PINK1: variants seen among roughly 807,000 people sequenced by gnomAD.
PINK1 encodes the protein PTEN induced kinase 1.
In PINK1, 58 loss-of-function variants were observed where a neutral mutation model predicts 56.0. The ratio of observed to expected loss-of-function variants is 1.04; its 90% CI spans 0.84 to 1.29. PINK1 has a LOEUF of 1.29. Among genes scored for constraint, PINK1 ranks in the 50% most tolerant of loss-of-function variants. The pLI is 0.00. For missense variants in PINK1, 745 were observed against 777.9 expected, an observed-to-expected ratio of 0.96 and a Z score of 0.50; for synonymous variants, 354 against 339.3, an observed-to-expected ratio of 1.04 and a Z score of -0.48.
chr1:20,633,927 G>C lies in PINK1; in HGVS notation c.379G>C (p.Glu127Gln). ...CCGGCGGGCGGTCTCGGCCTGTCAG[G>C]AGATCCAGGTGAGCGGGGCCGGGTC... is the stretch of plus-strand genomic sequence containing the variant. ...ESRRAVSACQEIQAIFTQKSK... is the reference protein window; with the variant it reads ...ESRRAVSACQQIQAIFTQKSK... The change falls in exon 1 of 8, where the codon GAG becomes CAG. Residue 127 changes from glutamate (E) to glutamine (Q), a missense_variant. By Grantham distance (29) the Glu-to-Gln change is conservative. Transcript: ENST00000321556. 2 of 1,585,286 alleles carry C rather than the reference G, an allele frequency of 1.3e-6. No individual in the cohort carries two copies. Among genetic ancestry groups the C allele is most frequent in the Non-Finnish European group, 1.7e-6 (2 of 1,168,850 alleles).
chr1:20,645,865 A>G, intron 5 of PINK1, 142 bp downstream of exon 5: 2 of 1,136,826 alleles, frequency 1.8e-6, no homozygotes, highest in Non-Finnish European at 2.5e-6. Context: ...GAGGTTAGCA[A>G]TCTCTCCCTT....
In PINK1 at chr1:20,644,608, C is replaced by T; in HGVS notation, c.895C>T (p.Leu299=). The T allele has an allele frequency of 4.3e-6, 7 of 1,614,220 alleles. No individual in the cohort carries two copies. Among genetic ancestry groups the T allele is most frequent in the Non-Finnish European group, 5.9e-6 (7 of 1,180,048 alleles). ...GGCCCTGGTCGACTACCCTGATGTG[C>T]TGCCCTCACGCCTCCACCCTGAAGG... ...PGALVDYPDV[L]PSRLHPEGLG... is the part of the protein sequence containing the mutation. The change falls in exon 4 of 8, where the codon CTG becomes TTG. Residue 299 remains leucine, a synonymous_variant. Transcript: ENST00000321556.
intron 5 of PINK1, 145 bp downstream of exon 5, chr1:20,645,868 T>C (rs2053174279): frequency 1.8e-6 from 2 of 1,116,394 alleles, no homozygotes; most frequent in Admixed American, 4.5e-5. Flanking sequence ...GTTAGCAATC[T>C]CTCCCTTAGA....
intron 3 of PINK1, among the ~76,000 whole-genome samples, chr1:20,640,300 T>C (rs1249030832): frequency 6.6e-6 from 1 of 152,000 alleles, no homozygotes; most frequent in African/African-American, 2.4e-5. Context: ...AATGCACGGG[T>C]AGAGCGCCAC....
intron 5 of PINK1, among the ~76,000 whole-genome samples, chr1:20,646,712 CT>C (rs1307437508): frequency 2.0e-5 from 3 of 152,094 alleles, no homozygotes; most frequent in Admixed American, 6.6e-5. Flanking sequence ...CCAGTTGCCT[CT>C]GGAAATGAGT....
chr1:20,645,487 CAA>C (rs11379920), intron 4 of PINK1, 71 bp from the exon 5 acceptor site: 2,222 of 1,114,220 alleles, frequency 2.0e-3, no homozygotes, highest in Middle Eastern at 3.0e-3. Context: ...GACTCCATCT[CAA>C]AAAAAAAAAA....
At chr1:20,633,982 C>CG in intron 1 of PINK1, 47 bp downstream of exon 1, 2 of 435,228 alleles carry the variant, frequency 4.6e-6, no homozygotes, top group Non-Finnish European at 6.5e-6. Flanking sequence ...GAGCTAAGCG[C>CG]GGGGGCGGGT....
In PINK1 at chr1:20,637,828, T is replaced by G. The variant is rs2053071804; in HGVS notation, c.388-14T>G. The G allele has an allele frequency of 6.2e-7, 1 of 1,613,668 alleles. No homozygotes were observed. The highest frequency in any genetic ancestry group is 8.5e-7 in the Non-Finnish European group (1 of 1,180,012). On this transcript the variant is annotated splice_polypyrimidine_tract_variant and intron_variant, in intron 1 of 7. Coordinates refer to ENST00000321556, the MANE Select transcript of PINK1 (RefSeq NM_032409.3). ...AGGCTCCCTGGCTCACGGTGCATTC[T>G]TTTCTCATCACAGGCAATTTTTACC...
At position 20,645,540 on chromosome 1, in the gene PINK1, C is replaced by T. The variant is rs925926343; in HGVS notation, c.960-20C>T. 6.2e-7 allele frequency: 1 copy of T among 1,609,536 alleles called. No homozygotes were observed. The highest frequency in any genetic ancestry group is 8.5e-7 in the Non-Finnish European group (1 of 1,178,328). On this transcript the variant is annotated intron_variant, in intron 4 of 7. Coordinates refer to ENST00000321556, the MANE Select transcript of PINK1 (RefSeq NM_032409.3). Reference sequence around the variant, plus strand: ...GTCGTCGATGTGTGGTAGCCAGAGGCCCTCTCCCCTCTCCGCCAGCTATCC... The same window carrying T: ...GTCGTCGATGTGTGGTAGCCAGAGGTCCTCTCCCCTCTCCGCCAGCTATCC...
chr1:20,633,671 C>A lies in PINK1; in HGVS notation c.123C>A (p.Val41=). 2 of 1,380,044 alleles carry A rather than the reference C, an allele frequency of 1.4e-6. No individual in the cohort carries two copies. The highest frequency in any genetic ancestry group is 1.9e-6 in the Non-Finnish European group (2 of 1,075,596). 85.5% of individuals were successfully genotyped at this position (1,380,044 alleles called of 1,614,324 possible). Residue 41 remains valine (V), a synonymous_variant, in exon 1 of 8, where the codon GTC becomes GTA. Coordinates refer to ENST00000321556, the MANE Select transcript of PINK1 (RefSeq NM_032409.3). ...GGCCGGGCCCGGCGGCGGGCTGTGT[C>A]CGCGGGGAGCGTCCAGGCTGGGCCG... The part of the protein sequence containing the change: ...LGRPGPAAGC[V]RGERPGWAAG...
rs764573020 is a variant in PINK1, at chr1:20,633,848, C to T, written c.300C>T (p.Val100=). The change falls in exon 1 of 8, where the codon GTC becomes GTT. Residue 100 remains valine, a synonymous_variant. Transcript: ENST00000321556. Reference sequence around the variant, plus strand: ...GCGCGGGCCCTTGCGGCCGGGCAGTCTTTCTGGCCTTCGGGCTAGGGCTGG... The same window carrying T: ...GCGCGGGCCCTTGCGGCCGGGCAGTTTTTCTGGCCTTCGGGCTAGGGCTGG... ...WGCAGPCGRA[V]FLAFGLGLGL... 1 of 1,578,636 alleles carries T rather than the reference C, an allele frequency of 6.3e-7. No individual in the cohort carries two copies. Among genetic ancestry groups the T allele is most frequent in the Admixed American group, 1.8e-5 (1 of 55,216 alleles).
At chr1:20,637,776 C>T in intron 1 of PINK1, 66 bp from the exon 2 acceptor site, 1 of 1,582,960 alleles carries the variant, frequency 6.3e-7, no homozygotes, top group Non-Finnish European at 8.7e-7. Context: ...CTCTGCCTCC[C>T]CTGTTTCCCT....
intron 5 of PINK1, among the ~76,000 whole-genome samples, 173 bp downstream of exon 5, chr1:20,645,896 C>G (rs1027969262): frequency 4.0e-5 from 6 of 151,820 alleles, no homozygotes; most frequent in Admixed American, 1.3e-4. Context: ...TTTTTTTTCT[C>G]TCTTTGCAGA....
chr1:20,640,525 G>C (rs2053105616), intron 3 of PINK1, among the ~76,000 whole-genome samples: 1 of 152,288 alleles, frequency 6.6e-6, no homozygotes, highest in South Asian at 2.1e-4. Context: ...CTGCAGAGGA[G>C]GGGCTGCTCA....
intron 1 of PINK1, among the ~76,000 whole-genome samples, chr1:20,636,845 C>T (rs2053061339): frequency 6.6e-6 from 1 of 152,010 alleles, no homozygotes; most frequent in Non-Finnish European, 1.5e-5. Context: ...GAAACAGGGG[C>T]TGGAAGGATG....
rs199678436 is a variant in PINK1, at chr1:20,645,566, C to T, written c.966C>T (p.Pro322=). Reference sequence around the variant, plus strand: ...CCTCTCCCCTCTCCGCCAGCTATCCCTGTACCCTGCGCCAGTACCTTTGTG... The same window carrying T: ...CCTCTCCCCTCTCCGCCAGCTATCCTTGTACCCTGCGCCAGTACCTTTGTG... ...RTLFLVMKNY[P]CTLRQYLCVN... Residue 322 remains proline, a synonymous_variant, in exon 5 of 8, where the codon CCC becomes CCT. Transcript: ENST00000321556. The T allele has an allele frequency of 1.2e-6, 2 of 1,613,742 alleles. No individual in the cohort carries two copies. The highest frequency in any genetic ancestry group is 1.1e-5 in the South Asian group (1 of 91,072).
At chr1:20,650,400 G>C in intron 7 of PINK1, 34 bp from the exon 8 acceptor site, 1 of 1,612,788 alleles carries the variant, frequency 6.2e-7, no homozygotes, top group South Asian at 1.1e-5. Context: ...TGTGTTAACA[G>C]ATGTTCTAGC....
chr1:20,634,761 A>G (rs2053039831), intron 1 of PINK1, among the ~76,000 whole-genome samples: 1 of 152,204 alleles, frequency 6.6e-6, no homozygotes, highest in Non-Finnish European at 1.5e-5. Context: ...ATCTTCTTCC[A>G]GGGAGGTCAC....
At chr1:20,648,348 T>TC (rs2053213922) in intron 5 of PINK1, 157 bp from the exon 6 acceptor site, 9 of 1,068,250 alleles carry the variant, frequency 8.4e-6, no homozygotes, top group Admixed American at 2.0e-5. Context: ...AGCAGGCCCT[T>TC]CTGATCAGCT....
Sources: gnomAD v4.1 joint callset for allele counts (sites outside exome capture counted in the v4.1 genomes callset) on GRCh38, gnomAD v4.1.1 for gene constraint, MANE v1.5 for transcripts, NCBI Gene and HGNC (gene_info 2026-07-23, HGNC 2026-07-21) for gene names.